Variants in TAFA1 observed in about 807,000 individuals in gnomAD.
TAFA1 encodes TAFA chemokine like family member 1.
In TAFA1, 4 loss-of-function variants were observed where a neutral mutation model predicts 18.5. The observed-to-expected ratio is 0.22, with a 90% CI of 0.11 to 0.49. The LOEUF (loss-of-function observed/expected upper bound fraction) is 0.49. Ranked by LOEUF, TAFA1 falls within the 20% of genes least tolerant of loss-of-function variation. TAFA1 has a pLI of 0.98. For missense variants in TAFA1, 147 were observed against 169.0 expected (o/e 0.87, Z 0.72); for synonymous variants, 56 against 55.2 (o/e 1.01, Z -0.06).
chr3:68,385,143 G>T (rs2070064464), intron 2 of TAFA1, among the ~76,000 whole-genome samples: 1 of 151,930 alleles, frequency 6.6e-6, no homozygotes, highest in Non-Finnish European at 1.5e-5. Flanking sequence ...GTTAACTGGA[G>T]GTAATAATAG....
intron 2 of TAFA1, among the ~76,000 whole-genome samples, chr3:68,335,327 G>T (rs1169099173): frequency 6.6e-6 from 1 of 152,266 alleles, no homozygotes; most frequent in Middle Eastern, 3.4e-3. Context: ...AGAATATCAT[G>T]TCTATTATTT....
intron 2 of TAFA1, among the ~76,000 whole-genome samples, chr3:68,104,001 T>C (rs2065178423): frequency 6.6e-6 from 1 of 152,184 alleles, no homozygotes; most frequent in South Asian, 2.1e-4. Context: ...GCATGTGTCT[T>C]TCATCAGCCT....
At chr3:68,083,244 G>A (rs904252091) in intron 2 of TAFA1, among the ~76,000 whole-genome samples, 1 of 152,126 alleles carries the variant, frequency 6.6e-6, no homozygotes, top group Non-Finnish European at 1.5e-5. Context: ...ATTAATTGAG[G>A]CTATCATCTG....
chr3:68,340,444 C>T (rs996634343), intron 2 of TAFA1, among the ~76,000 whole-genome samples: 1 of 152,150 alleles, frequency 6.6e-6, no homozygotes, highest in Non-Finnish European at 1.5e-5. Flanking sequence ...ATGTAGAAGG[C>T]ATTTGAATGG....
At chr3:68,347,156 C>G (rs2069176453) in intron 2 of TAFA1, among the ~76,000 whole-genome samples, 1 of 152,134 alleles carries the variant, frequency 6.6e-6, no homozygotes, top group South Asian at 2.1e-4. Context: ...TATACTTTTG[C>G]AGAAAGTGTG....
At chr3:68,027,474 C>A (rs1467935832) in intron 2 of TAFA1, among the ~76,000 whole-genome samples, 1 of 152,128 alleles carries the variant, frequency 6.6e-6, no homozygotes, top group Non-Finnish European at 1.5e-5. Flanking sequence ...GGAAATGGCT[C>A]AGCTGTGGCC....
intron 2 of TAFA1, among the ~76,000 whole-genome samples, chr3:68,384,669 TG>T (rs1164414646): frequency 3.3e-5 from 5 of 152,086 alleles, no homozygotes; most frequent in African/African-American, 1.2e-4. Context: ...ATTCTGTAGA[TG>T]TTTATCAGTT....
intron 2 of TAFA1, among the ~76,000 whole-genome samples, chr3:68,287,267 C>T (rs753056250): frequency 1.2e-4 from 19 of 152,168 alleles, no homozygotes; most frequent in Admixed American, 7.2e-4. Flanking sequence ...ATGTGACTCC[C>T]ATTATCGCCC....
chr3:68,222,865 G>T (rs1478557626), intron 2 of TAFA1, among the ~76,000 whole-genome samples: 1 of 151,922 alleles, frequency 6.6e-6, no homozygotes, highest in Admixed American at 6.6e-5. Context: ...TAGAGATGGG[G>T]TTTTACCATC....
chr3:68,308,699 G>A (rs1011552384), intron 2 of TAFA1, among the ~76,000 whole-genome samples: 4 of 152,044 alleles, frequency 2.6e-5, no homozygotes, highest in Non-Finnish European at 5.9e-5. Flanking sequence ...ATTTCATCAG[G>A]AATATAATGC....
At chr3:68,268,401 C>T (rs1260483159) in intron 2 of TAFA1, among the ~76,000 whole-genome samples, 1 of 152,094 alleles carries the variant, frequency 6.6e-6, no homozygotes, top group Non-Finnish European at 1.5e-5. Context: ...CGTGACTCAA[C>T]TCATTGTGGG....
intron 3 of TAFA1, among the ~76,000 whole-genome samples, chr3:68,453,551 G>T (rs2071603634): frequency 6.6e-6 from 1 of 152,070 alleles, no homozygotes. Context: ...AAATCTCTTT[G>T]TTCTTAATTA....
intron 3 of TAFA1, among the ~76,000 whole-genome samples, chr3:68,495,959 C>G (rs2072538780): frequency 7.6e-6 from 1 of 131,168 alleles, no homozygotes. Flanking sequence ...TCACTTGCCT[C>G]TTGAAATAAC....
intron 2 of TAFA1, among the ~76,000 whole-genome samples, chr3:68,188,757 T>C (rs1272808639): frequency 6.6e-6 from 1 of 151,902 alleles, no homozygotes; most frequent in Non-Finnish European, 1.5e-5. Context: ...GACAGAACCA[T>C]GGTAGGGAAC....
At chr3:68,380,342 C>A (rs1357273525) in intron 2 of TAFA1, among the ~76,000 whole-genome samples, 2 of 152,180 alleles carry the variant, frequency 1.3e-5, no homozygotes, top group Non-Finnish European at 2.9e-5. Context: ...GGAATTGGCA[C>A]ACCGACTTCC....
intron 2 of TAFA1, among the ~76,000 whole-genome samples, chr3:68,227,469 G>C (rs113167751): frequency 3.3e-5 from 5 of 152,304 alleles, no homozygotes; most frequent in African/African-American, 1.2e-4. Flanking sequence ...TCAAAGCCTT[G>C]CCAAGTTGGT....
chr3:68,502,843 T>G (rs2072680976), intron 3 of TAFA1, among the ~76,000 whole-genome samples: 1 of 152,100 alleles, frequency 6.6e-6, no homozygotes, highest in Non-Finnish European at 1.5e-5. Context: ...GATTCTAAAG[T>G]ATTGAAGACA....
intron 2 of TAFA1, among the ~76,000 whole-genome samples, chr3:68,030,837 G>A (rs530879768): frequency 1.3e-5 from 2 of 152,100 alleles, no homozygotes; most frequent in Non-Finnish European, 2.9e-5. Context: ...TGCCTGAGAG[G>A]TTTCCCAGAA....
chr3:68,532,127 T>G (rs572801786), intron 3 of TAFA1, among the ~76,000 whole-genome samples: 3 of 152,168 alleles, frequency 2.0e-5, no homozygotes, highest in East Asian at 1.9e-4. Context: ...TTTATTAACA[T>G]GTACATAGAC....
Sources: allele counts gnomAD v4.1 joint callset (sites outside exome capture counted in the v4.1 genomes callset), GRCh38; gene constraint gnomAD v4.1.1; transcripts MANE v1.5; gene names NCBI Gene and HGNC (gene_info 2026-07-23, HGNC 2026-07-21).